The following GRHL2 variants were observed in gnomAD, a reference collection of about 807,000 sequenced individuals.
GRHL2 encodes grainyhead like transcription factor 2, also known as grainyhead-like protein 2 homolog.
GRHL2 carries 21 observed loss-of-function variants against 83.8 expected under a neutral mutation model. The ratio of observed to expected loss-of-function variants is 0.25; its 90% confidence interval spans 0.18 to 0.36. The LOEUF (loss-of-function observed/expected upper bound fraction) is 0.36, where lower values mean the gene tolerates loss of function less well. GRHL2 is among the 10% of genes least tolerant of loss of function. GRHL2 has a pLI of 1.00. For missense variants in GRHL2, 623 were observed against 781.8 expected, an observed-to-expected ratio of 0.80 and a Z score of 2.42; for synonymous variants, 280 against 278.9, an observed-to-expected ratio of 1.00 and a Z score of -0.04.
chr8:101,649,292 G>A (rs1056776302), intron 13 of GRHL2, 122 bp from the exon 14 acceptor site: 4 of 746,628 alleles, frequency 5.4e-6, no homozygotes, highest in African/African-American at 5.2e-5. Context: ...CTGGACCAGG[G>A]TTCTGAGGCT....
chr8:101,605,877 A>T (rs1487069191), intron 8 of GRHL2, among the ~76,000 whole-genome samples: 2 of 152,116 alleles, frequency 1.3e-5, no homozygotes, highest in Non-Finnish European at 2.9e-5. Context: ...GCCTTTACAC[A>T]TCTATTCTTC....
chr8:101,673,961 G>A (rs1049169965), downstream of GRHL2, among the ~76,000 whole-genome samples: 10 of 151,986 alleles, frequency 6.6e-5, no homozygotes, highest in Admixed American at 1.3e-4. Flanking sequence ...ATGGCTACTG[G>A]GTACATAACG....
chr8:101,494,247 G>A (rs1256261012), intron 1 of GRHL2, among the ~76,000 whole-genome samples: 1 of 152,200 alleles, frequency 6.6e-6, no homozygotes, highest in Non-Finnish European at 1.5e-5. Context: ...AGGCCCTGCG[G>A]ACCTGTTCAG....
rs565318083 is a variant in GRHL2, at chr8:101,572,481, A to C, written c.735-1187A>C. Among the ~76,000 whole-genome samples, 594 of 152,320 alleles carry C rather than the reference A, an allele frequency of 3.9e-3. 3 individuals carry two copies. Among genetic ancestry groups the C allele is most frequent in the Middle Eastern group, 0.014 (4 of 294 alleles). ...ACATTACAGGAATATTTAACATAGA[A>C]AGCAAGAGCCCCCCATAATCCTGTC... On this transcript the variant is annotated intron_variant, in intron 5 of 15. Coordinates refer to ENST00000646743, the MANE Select transcript of GRHL2 (RefSeq NM_024915.4).
intron 7 of GRHL2, among the ~76,000 whole-genome samples, chr8:101,582,404 T>C (rs944020108): frequency 2.0e-4 from 31 of 152,268 alleles, no homozygotes; most frequent in African/African-American, 6.5e-4. Context: ...CCTCAGTACA[T>C]GGGGCTGTGG....
chr8:101,608,803 A>T (rs1238989306), intron 8 of GRHL2, among the ~76,000 whole-genome samples: 1 of 143,434 alleles, frequency 7.0e-6, no homozygotes, highest in Non-Finnish European at 1.5e-5. Flanking sequence ...TAAGTACTTC[A>T]GCATGTAGAG....
At chr8:101,547,646 G>A (rs1563574571) in intron 2 of GRHL2, among the ~76,000 whole-genome samples, 1 of 152,344 alleles carries the variant, frequency 6.6e-6, no homozygotes, top group East Asian at 1.9e-4. Context: ...ATTTACCCAA[G>A]ATCACAGGAC....
At chr8:101,495,945 A>G (rs1316704805) in intron 1 of GRHL2, among the ~76,000 whole-genome samples, 1 of 152,126 alleles carries the variant, frequency 6.6e-6, no homozygotes, top group Non-Finnish European at 1.5e-5. Flanking sequence ...TCAGGAGTTC[A>G]TGACCAGCCT....
At chr8:101,629,269 C>CA (rs1195469341) in intron 9 of GRHL2, among the ~76,000 whole-genome samples, 5 of 151,508 alleles carry the variant, frequency 3.3e-5, no homozygotes, top group African/African-American at 1.2e-4. Context: ...CATCTATTAG[C>CA]AAAAAGAATA....
At chr8:101,666,523 C>T in intron 15 of GRHL2, 66 bp from the exon 16 acceptor site, 1 of 914,140 alleles carries the variant, frequency 1.1e-6, no homozygotes, top group Non-Finnish European at 1.8e-6. Flanking sequence ...GCCTGGAGCT[C>T]CCCTTGCCCT....
Position 101,648,138 on chromosome 8 carries a change from G to A in GRHL2, c.1613-1276G>A, listed in dbSNP as rs190924322. Among the ~76,000 whole-genome samples, 4 of 152,274 alleles carry A rather than the reference G, an allele frequency of 2.6e-5. No homozygotes were observed. The East Asian group carries it at 7.7e-4, about 29-fold the overall frequency. On this transcript the variant is annotated intron_variant, in intron 13 of 15. Transcript: ENST00000646743. ...CTCAGTGGGGATGAGGGTGGCCTCT[G>A]AATGACAGTTCCAAGTTTATTCTGG...
At chr8:101,581,839 A>C (rs994164828) in intron 7 of GRHL2, among the ~76,000 whole-genome samples, 7 of 152,308 alleles carry the variant, frequency 4.6e-5, no homozygotes, top group Admixed American at 2.0e-4. Context: ...GAAGTTTCTG[A>C]GACTCATCTG....
In GRHL2 at chr8:101,661,826, A is replaced by T. The variant is rs193173610; in HGVS notation, c.1699-2628A>T. Among the ~76,000 whole-genome samples, 3 of 152,284 alleles carry T rather than the reference A, an allele frequency of 2.0e-5. No homozygotes were observed. In the East Asian group the frequency reaches 5.8e-4, roughly 29 times the overall value. On this transcript the variant is annotated intron_variant, in intron 14 of 15. Coordinates refer to ENST00000646743, the MANE Select transcript of GRHL2 (RefSeq NM_024915.4). ...CTGTAGTCTGTAAGAGTTCCTGTCC[A>T]CTGTCATTTGGTTTCTAGTGTTGAG...
chr8:101,629,124 A>T (rs1813135058), intron 9 of GRHL2, among the ~76,000 whole-genome samples: 1 of 152,208 alleles, frequency 6.6e-6, no homozygotes, highest in Admixed American at 6.5e-5. Context: ...TTACAGAGAA[A>T]TCTTTCCTGA....
At chr8:101,561,897 C>T in intron 4 of GRHL2, 1 of 457,440 alleles carries the variant, frequency 2.2e-6, no homozygotes, top group Non-Finnish European at 4.0e-6. Flanking sequence ...ATTTTAATCA[C>T]TTTTCATTTA....
At chr8:101,671,088 A>C (rs1426645842), downstream of GRHL2, among the ~76,000 whole-genome samples, 1 of 152,210 alleles carries the variant, frequency 6.6e-6, no homozygotes. Flanking sequence ...AGCTCCCAGC[A>C]TGAGCAATGC....
chr8:101,569,958 C>T (rs551759285), intron 4 of GRHL2, among the ~76,000 whole-genome samples: 204 of 152,208 alleles, frequency 1.3e-3, no homozygotes, highest in Non-Finnish European at 2.4e-3. Flanking sequence ...CTTTTTGCTG[C>T]GCTATATGAC....
intron 3 of GRHL2, among the ~76,000 whole-genome samples, chr8:101,553,915 C>T (rs896917739): frequency 9.9e-5 from 15 of 152,040 alleles, no homozygotes; most frequent in African/African-American, 2.7e-4. Context: ...TGTGGGCCAC[C>T]GCACCTGGCC....
chr8:101,620,940 A>G (rs1812952746), intron 9 of GRHL2, among the ~76,000 whole-genome samples: 1 of 152,182 alleles, frequency 6.6e-6, no homozygotes, highest in Non-Finnish European at 1.5e-5. Flanking sequence ...GAAAAAAAAA[A>G]ATTATCGGAG....
Sources: allele counts gnomAD v4.1 joint callset (sites outside exome capture counted in the v4.1 genomes callset), GRCh38; gene constraint gnomAD v4.1.1; transcripts MANE v1.5; gene names NCBI Gene and HGNC (gene_info 2026-07-23, HGNC 2026-07-21).